Variants in GPATCH1 observed in about 807,000 individuals in gnomAD.
GPATCH1 encodes the protein G patch domain-containing protein 1.
GPATCH1 carries 73 observed loss-of-function variants against 114.9 expected under a neutral mutation model. That is an observed-to-expected ratio of 0.64 (90% CI 0.53 to 0.77). The LOEUF (loss-of-function observed/expected upper bound fraction) is 0.77, where lower values mean the gene tolerates loss of function less well. GPATCH1 is among the 30% of genes least tolerant of loss of function. GPATCH1 has a pLI of 0.00. For synonymous variants in GPATCH1, 391 were observed against 428.4 expected (o/e 0.91, Z 1.08); for missense variants, 1,058 against 1,144.3 (o/e 0.92, Z 1.09).
intron 19 of GPATCH1, among the ~76,000 whole-genome samples, chr19:33,129,670 G>A (rs1388871437): frequency 6.6e-6 from 1 of 151,988 alleles, no homozygotes; most frequent in East Asian, 1.9e-4. Context: ...CAGATTGGCC[G>A]GGTACGGTGG....
At chr19:33,095,707 G>A (rs922070869) in intron 5 of GPATCH1, 55 bp from the exon 6 acceptor site, 42 of 1,247,366 alleles carry the variant, frequency 3.4e-5, no homozygotes, top group African/African-American at 7.4e-5. Context: ...CGGCCTGGTC[G>A]GGGTTTTCTA....
chr19:33,111,198 A>G (rs1972848065), intron 11 of GPATCH1, among the ~76,000 whole-genome samples: 1 of 151,046 alleles, frequency 6.6e-6, no homozygotes, highest in Non-Finnish European at 1.5e-5. Flanking sequence ...ACGCCTGGTA[A>G]TTTTTTGTTT....
At chr19:33,107,863 T>TA (rs1175093017) in intron 10 of GPATCH1, among the ~76,000 whole-genome samples, 1 of 152,098 alleles carries the variant, frequency 6.6e-6, no homozygotes, top group Non-Finnish European at 1.5e-5. Flanking sequence ...TATTTTTTTT[T>TA]ATTATACTTT....
chr19:33,122,403 C>T (rs927866435), intron 17 of GPATCH1, among the ~76,000 whole-genome samples: 1 of 151,304 alleles, frequency 6.6e-6, no homozygotes, highest in African/African-American at 2.4e-5. Context: ...TGGCTCACTG[C>T]AAGCTGCGCC....
chr19:33,109,607 C>T (rs1012971691), intron 10 of GPATCH1, 110 bp from the exon 11 acceptor site: 8 of 634,202 alleles, frequency 1.3e-5, no homozygotes, highest in South Asian at 2.4e-5. Context: ...AACATAAAAT[C>T]CTCATCCCCA....
intron 2 of GPATCH1, among the ~76,000 whole-genome samples, chr19:33,090,107 G>C (rs1972577707): frequency 6.6e-6 from 1 of 152,156 alleles, no homozygotes; most frequent in Non-Finnish European, 1.5e-5. Flanking sequence ...TTTATGTGCA[G>C]AGGTTACAGA....
At chr19:33,124,755 A>G (rs1336240455) in intron 17 of GPATCH1, among the ~76,000 whole-genome samples, 1 of 152,094 alleles carries the variant, frequency 6.6e-6, no homozygotes, top group Non-Finnish European at 1.5e-5. Context: ...GCTGAGTTCC[A>G]ATTTTGGTCT....
At chr19:33,093,303 T>C (rs1321765023) in intron 3 of GPATCH1, 56 bp from the exon 4 acceptor site, 3 of 1,120,688 alleles carry the variant, frequency 2.7e-6, no homozygotes, top group African/African-American at 1.6e-5. Flanking sequence ...AACTATGTGA[T>C]GTATTGTGTA....
intron 17 of GPATCH1, among the ~76,000 whole-genome samples, chr19:33,124,279 G>T (rs1973016838): frequency 6.6e-6 from 1 of 152,208 alleles, no homozygotes; most frequent in South Asian, 2.1e-4. Flanking sequence ...TGAATTTGGA[G>T]ATGGAGAATT....
intron 6 of GPATCH1, 78 bp from the exon 7 acceptor site, chr19:33,096,129 G>A: frequency 1.4e-6 from 2 of 1,420,720 alleles, no homozygotes; most frequent in Non-Finnish European, 1.9e-6. Context: ...ATTAATCACT[G>A]CGTTTTCAAT....
At chr19:33,105,431 A>G (rs1232996796) in intron 9 of GPATCH1, among the ~76,000 whole-genome samples, 1 of 151,470 alleles carries the variant, frequency 6.6e-6, no homozygotes, top group Non-Finnish European at 1.5e-5. Flanking sequence ...AAAAAAAAGA[A>G]AAAGAAAAAA....
At position 33,117,856 on chromosome 19, in the gene GPATCH1, AAGG is replaced by A. The variant is rs1445549742; in HGVS notation, c.2231_2233del (p.Gly744del). ...AACAAAGATGTGGACGCACAGGCTG[AAGG>A]AGAAGGGAGCCGCCCATCCATGGAC... is the stretch of plus-strand genomic sequence containing the variant. On this transcript the variant is annotated inframe_deletion, in exon 16 of 20. Transcript: ENST00000170564. 1.2e-6 allele frequency: 2 copies of A among 1,613,754 alleles called. No individual in the cohort carries two copies. The highest frequency in any genetic ancestry group is 1.7e-5 in the Admixed American group (1 of 59,996).
intron 19 of GPATCH1, among the ~76,000 whole-genome samples, chr19:33,127,572 A>G (rs1326765867): frequency 6.6e-6 from 1 of 151,962 alleles, no homozygotes; most frequent in Non-Finnish European, 1.5e-5. Context: ...CAATGCTTAA[A>G]GGAGCCCTGA....
rs190465192 is a variant in GPATCH1 at position 33,120,775 on chromosome 19, A to G, written c.2521+1658A>G. The stretch of plus-strand genomic sequence containing the variant: ...GAGGTCGAGGTGGGCAGATCACGAG[A>G]TCAGGAGATCGAGACCATCCTGGCT... On this transcript the variant is annotated intron_variant, in intron 17 of 19. Transcript: ENST00000170564. Among the ~76,000 whole-genome samples, 32 of 151,952 alleles carry G rather than the reference A, an allele frequency of 2.1e-4. No individual in the cohort carries two copies. The East Asian group carries it at 6.2e-3, about 30-fold the overall frequency.
At chr19:33,119,141 G>T in intron 17 of GPATCH1, 24 bp downstream of exon 17, 2 of 1,408,668 alleles carry the variant, frequency 1.4e-6, no homozygotes, top group Non-Finnish European at 2.0e-6. Context: ...CCTTTGGTTC[G>T]CCCATTTTTA....
Position 33,088,223 on chromosome 19 carries a change from G to A in GPATCH1, c.163G>A (p.Gly55Arg), listed in dbSNP as rs760152552. ...TAAACGATTCCACGGGGCCTTTAGT[G>A]GAGGTTTCTCTGCTGGATACTTCAA... ...RYKRFHGAFS[G>R]GFSAGYFNTV... Residue 55 changes from glycine to arginine, a missense_variant, in exon 2 of 20, where the codon GGA (glycine) becomes AGA (arginine). This residue lies in a region of GPATCH1 where 131 missense variants were observed against 107.2 expected (regional missense o/e 1.22). Coordinates refer to ENST00000170564, the MANE Select transcript of GPATCH1 (RefSeq NM_018025.3). The A allele has an allele frequency of 1.3e-5, 21 of 1,606,142 alleles. No homozygotes were observed. Among genetic ancestry groups the A allele is most frequent in the South Asian group, 2.2e-5 (2 of 90,478 alleles).
intron 5 of GPATCH1, among the ~76,000 whole-genome samples, chr19:33,095,070 G>A (rs1331409328): frequency 6.6e-6 from 1 of 152,062 alleles, no homozygotes; most frequent in Non-Finnish European, 1.5e-5. Flanking sequence ...AGGAGAGTGA[G>A]GTGGGAGGAT....
chr19:33,102,336 G>T (rs559111825), intron 9 of GPATCH1, among the ~76,000 whole-genome samples: 18 of 150,372 alleles, frequency 1.2e-4, no homozygotes, highest in Non-Finnish European at 2.4e-4. Flanking sequence ...ACTCCGTATC[G>T]AAAAGAAAAG....
intron 8 of GPATCH1, among the ~76,000 whole-genome samples, chr19:33,099,387 C>T (rs1330903320): frequency 2.6e-5 from 4 of 151,726 alleles, no homozygotes; most frequent in Admixed American, 6.6e-5. Context: ...TCACTTTTCC[C>T]TCGTGCACCA....
Sources: gnomAD v4.1 joint callset for allele counts (sites outside exome capture counted in the v4.1 genomes callset) on GRCh38, gnomAD v4.1.1 for gene constraint, gnomAD v4.1.1 regional missense constraint, MANE v1.5 for transcripts, NCBI Gene and HGNC (gene_info 2026-07-23, HGNC 2026-07-21) for gene names.